KIRREL3: variants seen among roughly 807,000 people sequenced by gnomAD.
KIRREL3 encodes the protein kin of IRRE-like protein 3.
KIRREL3 carries 36 observed loss-of-function variants against 89.7 expected under a neutral mutation model. The ratio of observed to expected loss-of-function variants is 0.40; its 90% CI spans 0.31 to 0.53. The LOEUF (loss-of-function observed/expected upper bound fraction) is 0.53, where lower values mean the gene tolerates loss of function less well. Among genes scored for constraint, KIRREL3 ranks in the 20% least tolerant of loss-of-function variants. KIRREL3 has a pLI of 0.49. For synonymous variants in KIRREL3, 445 were observed against 441.4 expected (o/e 1.01, Z -0.10); for missense variants, 864 against 1,056.6 (o/e 0.82, Z 2.53).
Position 126,440,446 on chromosome 11 carries a change from C to G in KIRREL3, c.1353+3G>C. 6.4e-7 allele frequency: 1 copy of G among 1,567,220 alleles called. No homozygotes were observed. Among genetic ancestry groups the G allele is most frequent in the Non-Finnish European group, 8.6e-7 (1 of 1,156,954 alleles). On this transcript the variant is annotated splice_donor_region_variant and intron_variant, in intron 11 of 16. Coordinates refer to ENST00000525144, the MANE Select transcript of KIRREL3 (RefSeq NM_032531.4). ...CCCCGCCCGCCGTCCCTGGAGCACTCACGATGCGGTCCGGCGGCGGCGTGC... is the reference window on the plus strand; with the variant it reads ...CCCCGCCCGCCGTCCCTGGAGCACTGACGATGCGGTCCGGCGGCGGCGTGC...
rs1259059185 is a variant in KIRREL3, at chr11:126,705,763, C to T, written c.56-142851G>A. The stretch of plus-strand genomic sequence containing the variant: ...TGGCTACAAACACTTAGCCACTCCT[C>T]CCAGAAAGAGGTGGAGGCTACCTCT... On this transcript the variant is annotated intron_variant, in intron 1 of 16. Transcript: ENST00000525144. This position sits in a 1 kb window ranked among gnomAD's most constrained non-coding sequence, Gnocchi z 4.3. 2.0e-5 allele frequency among the ~76,000 whole-genome samples: 3 copies of T among 152,158 alleles called. No individual in the cohort carries two copies. The highest frequency in any genetic ancestry group is 6.5e-5 in the Admixed American group (1 of 15,282).
In KIRREL3 at chr11:126,896,908, G is replaced by T. The variant is rs1278562867; in HGVS notation, c.55+103547C>A. 6.6e-6 allele frequency among the ~76,000 whole-genome samples: 1 copy of T among 152,084 alleles called. No individual in the cohort carries two copies. The highest frequency in any genetic ancestry group is 6.6e-5 in the Admixed American group (1 of 15,262). On this transcript the variant is annotated intron_variant, in intron 1 of 16. Transcript: ENST00000525144. This position sits in a 1 kb window ranked among gnomAD's most constrained non-coding sequence, Gnocchi z 4.1. The stretch of plus-strand genomic sequence containing the variant: ...CGCAGTGGGGATCTTAACAGGCATT[G>T]CCATTTCTTTTGCTTGATATTTCTG...
At chr11:126,854,736 C>T (rs7102206) in intron 1 of KIRREL3, among the ~76,000 whole-genome samples, 42,211 of 152,028 alleles carry the variant, frequency 0.28, 5,968 homozygotes, top group East Asian at 0.43. Context: ...TGGGTATATA[C>T]CTGGAAGTCG....
intron 1 of KIRREL3, among the ~76,000 whole-genome samples, chr11:126,824,603 A>T (rs1943341610): frequency 6.6e-6 from 1 of 152,230 alleles, no homozygotes; most frequent in South Asian, 2.1e-4. Context: ...TTAGGAAAAG[A>T]GGAAGAAATT....
rs1426305624 is a variant in KIRREL3 at position 126,683,947 on chromosome 11, C to T, written c.56-121035G>A. ...CTTCAGGGACTGTCGTGGGCTGTGG[C>T]CTCAGAGGTCCCTTACAGGGTGGTG... is the stretch of plus-strand genomic sequence containing the variant. On this transcript the variant is annotated intron_variant, in intron 1 of 16. Transcript: ENST00000525144. This position sits in a 1 kb window ranked among gnomAD's most constrained non-coding sequence, Gnocchi z 5.2. 1.3e-5 allele frequency among the ~76,000 whole-genome samples: 2 copies of T among 152,242 alleles called. No individual in the cohort carries two copies. The highest frequency in any genetic ancestry group is 2.9e-5 in the Non-Finnish European group (2 of 68,046).
At chr11:126,923,831 G>T (rs540761639) in intron 1 of KIRREL3, among the ~76,000 whole-genome samples, 1 of 152,274 alleles carries the variant, frequency 6.6e-6, no homozygotes, top group East Asian at 1.9e-4. Context: ...CTGAGCTCCA[G>T]CCCTATGTAC....
In KIRREL3 at chr11:126,676,963, T is replaced by C. The variant is rs913951676; in HGVS notation, c.56-114051A>G. On this transcript the variant is annotated intron_variant, in intron 1 of 16. Transcript: ENST00000525144. This position sits in a 1 kb window ranked among gnomAD's most constrained non-coding sequence, Gnocchi z 4.5. ...CCACACCACGCTAATTTTTAAAAAA[T>C]TTTTTGTAGAGACAGGGTCTTGCTG... 1.3e-5 allele frequency among the ~76,000 whole-genome samples: 2 copies of C among 150,486 alleles called. No individual in the cohort carries two copies. The highest frequency in any genetic ancestry group is 3.9e-4 in the East Asian group (2 of 5,176).
At chr11:126,714,922 GT>G (rs1313677282) in intron 1 of KIRREL3, among the ~76,000 whole-genome samples, 4 of 152,196 alleles carry the variant, frequency 2.6e-5, no homozygotes, top group East Asian at 1.9e-4. Context: ...GATCAGCGGA[GT>G]TTTACTTACA....
chr11:126,511,049 G>C lies in KIRREL3; in HGVS notation c.433+10266C>G, dbSNP rs78596757. Reference sequence around the variant, plus strand: ...GGGCTCCCTGGAGATCTGCAGTGCTGTGTGTGTGTGTGTGTGTGTGTGTGT... The same window carrying C: ...GGGCTCCCTGGAGATCTGCAGTGCTCTGTGTGTGTGTGTGTGTGTGTGTGT... On this transcript the variant is annotated intron_variant, in intron 4 of 16. Transcript: ENST00000525144. Among the ~76,000 whole-genome samples, 39 of 127,082 alleles carry C rather than the reference G, an allele frequency of 3.1e-4. 1 individual carries two copies. The highest frequency in any genetic ancestry group is 3.9e-3 in the Middle Eastern group (1 of 256). 83.4% of individuals were successfully genotyped at this position (127,082 alleles called of 152,430 possible). A position where few individuals can be genotyped will look rare whatever the true frequency, so the allele number is the denominator to read the frequency against.
rs1485663634 is a variant in KIRREL3 at position 126,523,161 on chromosome 11, A to G, written c.284-1697T>C. Among the ~76,000 whole-genome samples the G allele has an allele frequency of 3.9e-5, 6 of 152,140 alleles. No homozygotes were observed. The East Asian group carries it at 1.2e-3, about 29-fold the overall frequency. ...CAACTGTTTGAGGTATCCAACAAGGATCTGGGATGCCAGAGAGTGTAGTGA... is the reference window on the plus strand; with the variant it reads ...CAACTGTTTGAGGTATCCAACAAGGGTCTGGGATGCCAGAGAGTGTAGTGA... On this transcript the variant is annotated intron_variant, in intron 3 of 16. Coordinates refer to ENST00000525144, the MANE Select transcript of KIRREL3 (RefSeq NM_032531.4). This position sits in a 1 kb window ranked among gnomAD's most constrained non-coding sequence, Gnocchi z 4.9.
At position 126,990,682 on chromosome 11, in the gene KIRREL3, A is replaced by G. The variant is rs1274508290; in HGVS notation, c.55+9773T>C. On this transcript the variant is annotated intron_variant, in intron 1 of 16. Transcript: ENST00000525144. This position sits in a 1 kb window ranked among gnomAD's most constrained non-coding sequence, Gnocchi z 6.3. Reference sequence around the variant, plus strand: ...CCGCAGTTGCCCCTCACTCAGGTGCAGCTTCCTATGTAAGAAAAAGGCTTC... The same window carrying G: ...CCGCAGTTGCCCCTCACTCAGGTGCGGCTTCCTATGTAAGAAAAAGGCTTC... Among the ~76,000 whole-genome samples the G allele has an allele frequency of 3.3e-5, 5 of 152,234 alleles. No homozygotes were observed. The highest frequency in any genetic ancestry group is 1.2e-4 in the African/African-American group (5 of 41,468).
At chr11:126,678,326 C>T (rs575698768) in intron 1 of KIRREL3, among the ~76,000 whole-genome samples, 8 of 152,060 alleles carry the variant, frequency 5.3e-5, no homozygotes, top group Non-Finnish European at 7.4e-5. Flanking sequence ...AGGGGTCAGG[C>T]GTGGTGGCTC....
At chr11:126,939,789 G>A (rs1261092702) in intron 1 of KIRREL3, among the ~76,000 whole-genome samples, 1 of 152,190 alleles carries the variant, frequency 6.6e-6, no homozygotes, top group African/African-American at 2.4e-5. Flanking sequence ...TGATATTATA[G>A]CAAATCTTAT....
In KIRREL3 at chr11:126,608,288, G is replaced by A. The variant is rs1039422581; in HGVS notation, c.56-45376C>T. Among the ~76,000 whole-genome samples, 4 of 152,316 alleles carry A rather than the reference G, an allele frequency of 2.6e-5. No individual in the cohort carries two copies. The highest frequency in any genetic ancestry group is 2.1e-4 in the South Asian group (1 of 4,828). On this transcript the variant is annotated intron_variant, in intron 1 of 16. Coordinates refer to ENST00000525144, the MANE Select transcript of KIRREL3 (RefSeq NM_032531.4). This position sits in a 1 kb window ranked among gnomAD's most constrained non-coding sequence, Gnocchi z 4.9. ...CCACCTGGCAGGCGTTTGGAACAACGTGCTGAATAACAGCAGCATTTGTGA... is the reference window on the plus strand; with the variant it reads ...CCACCTGGCAGGCGTTTGGAACAACATGCTGAATAACAGCAGCATTTGTGA...
chr11:126,711,540 C>G (rs913573009), intron 1 of KIRREL3, among the ~76,000 whole-genome samples: 7 of 151,986 alleles, frequency 4.6e-5, no homozygotes, highest in African/African-American at 1.7e-4. Context: ...CCAGCCTGGG[C>G]GACAGAGCAA....
rs189736862 is a variant in KIRREL3, at chr11:126,896,326, C to A, written c.55+104129G>T. Reference sequence around the variant, plus strand: ...GATGAACATGGTCCATGAGAAATAGCAGCATCTCCCAGAAAACCTGAGCAG... The same window carrying A: ...GATGAACATGGTCCATGAGAAATAGAAGCATCTCCCAGAAAACCTGAGCAG... On this transcript the variant is annotated intron_variant, in intron 1 of 16. Coordinates refer to ENST00000525144, the MANE Select transcript of KIRREL3 (RefSeq NM_032531.4). The surrounding 1 kb of genome is among the most constrained non-coding windows in gnomAD (Gnocchi z 4.1). 6.6e-6 allele frequency among the ~76,000 whole-genome samples: 1 copy of A among 152,328 alleles called. No homozygotes were observed. Among genetic ancestry groups the A allele is most frequent in the African/African-American group, 2.4e-5 (1 of 41,586 alleles).
rs1333075989 is a variant in KIRREL3, at chr11:126,995,557, T to C, written c.55+4898A>G. The C allele has an allele frequency of 2.3e-5, 8 of 342,140 alleles. No individual in the cohort carries two copies. The highest frequency in any genetic ancestry group is 4.2e-5 in the Admixed American group (1 of 23,784). The allele number at this position is 342,140 out of a possible 1,614,324, so 21.2% of individuals were successfully genotyped here. ...GCCCCCTTAGCATCCCCCATCTATA[T>C]CAAGACCATAAAACCAGTGCTTTTG... On this transcript the variant is annotated intron_variant, in intron 1 of 16. Transcript: ENST00000525144. This position sits in a 1 kb window ranked among gnomAD's most constrained non-coding sequence, Gnocchi z 6.5.
In KIRREL3 at chr11:126,640,372, G is replaced by A. The variant is rs1244978578; in HGVS notation, c.56-77460C>T. 2.6e-5 allele frequency among the ~76,000 whole-genome samples: 4 copies of A among 151,942 alleles called. No individual in the cohort carries two copies. The highest frequency in any genetic ancestry group is 5.9e-5 in the Non-Finnish European group (4 of 67,966). On this transcript the variant is annotated intron_variant, in intron 1 of 16. Coordinates refer to ENST00000525144, the MANE Select transcript of KIRREL3 (RefSeq NM_032531.4). This position sits in a 1 kb window ranked among gnomAD's most constrained non-coding sequence, Gnocchi z 4.9. ...CGCGCGTGTGCGCGCGCACACACAC[G>A]CACACGCGCACACACAGAATTAAAA...
In KIRREL3 at chr11:126,594,648, C is replaced by T. The variant is rs1343140890; in HGVS notation, c.56-31736G>A. On this transcript the variant is annotated intron_variant, in intron 1 of 16. Coordinates refer to ENST00000525144, the MANE Select transcript of KIRREL3 (RefSeq NM_032531.4). This position sits in a 1 kb window ranked among gnomAD's most constrained non-coding sequence, Gnocchi z 5.0. Reference sequence around the variant, plus strand: ...TGGTGCCTTTAAGAGTGCAATGAGGCCGCAGCAGAAACTATCTCTAAGGCC... The same window carrying T: ...TGGTGCCTTTAAGAGTGCAATGAGGTCGCAGCAGAAACTATCTCTAAGGCC... 4.6e-5 allele frequency among the ~76,000 whole-genome samples: 7 copies of T among 151,446 alleles called. No homozygotes were observed. Among genetic ancestry groups the T allele is most frequent in the Non-Finnish European group, 1.0e-4 (7 of 68,038 alleles).
Sources: gnomAD v4.1 joint callset for allele counts (sites outside exome capture counted in the v4.1 genomes callset) on GRCh38, gnomAD v4.1.1 for gene constraint, Gnocchi (gnomAD v3.1) non-coding constraint, MANE v1.5 for transcripts, NCBI Gene and HGNC (gene_info 2026-07-23, HGNC 2026-07-21) for gene names.